The following DSCAM variants were observed in gnomAD, a reference collection of about 807,000 sequenced individuals.
DSCAM encodes the protein cell adhesion molecule DSCAM.
Under a neutral mutation model 217.7 loss-of-function variants are expected in DSCAM, and 47 were observed. The observed-to-expected ratio is 0.22, with a 90% CI of 0.17 to 0.28. The LOEUF (loss-of-function observed/expected upper bound fraction) is 0.28, where lower values mean the gene tolerates loss of function less well. DSCAM is among the 10% of genes least tolerant of loss of function. DSCAM has a pLI of 1.00. For synonymous variants in DSCAM, 1,056 were observed against 1,015.3 expected (o/e 1.04, Z -0.76); for missense variants, 2,080 against 2,618.3 (o/e 0.79, Z 4.49).
At chr21:40,362,345 C>T (rs2074776856) in intron 4 of DSCAM, among the ~76,000 whole-genome samples, 1 of 152,132 alleles carries the variant, frequency 6.6e-6, no homozygotes, top group African/African-American at 2.4e-5. Flanking sequence ...TCCATGTCAT[C>T]ATTTAACTTG....
intron 3 of DSCAM, among the ~76,000 whole-genome samples, chr21:40,521,477 T>C (rs894469065): frequency 4.6e-5 from 7 of 152,218 alleles, no homozygotes; most frequent in East Asian, 3.8e-4. Flanking sequence ...TGATACCTCA[T>C]TGTGGTTTGG....
At chr21:40,378,294 T>A (rs71318521) in intron 3 of DSCAM, among the ~76,000 whole-genome samples, 451 of 152,268 alleles carry the variant, frequency 3.0e-3, no homozygotes, top group Non-Finnish European at 5.4e-3. Flanking sequence ...TACAGGAGAT[T>A]AGAACAAAAA....
intron 1 of DSCAM, among the ~76,000 whole-genome samples, chr21:40,845,758 G>T (rs115057323): frequency 6.6e-6 from 1 of 152,264 alleles, no homozygotes; most frequent in Admixed American, 6.5e-5. Flanking sequence ...GATGTCAAAT[G>T]ATGACAATTT....
rs184996426 is a variant in DSCAM at position 40,127,032 on chromosome 21, C to T, written c.3563-2704G>A. Among the ~76,000 whole-genome samples the T allele has an allele frequency of 2.4e-3, 369 of 152,306 alleles. 2 individuals are homozygous for T. Among genetic ancestry groups the T allele is most frequent in the African/African-American group, 8.3e-3 (343 of 41,562 alleles). ...TTTCATGCGGCTCTAGCACTTAGTT[C>T]CACGTCCTGGACAAGCTGATTAACT... On this transcript the variant is annotated intron_variant, in intron 19 of 32. Transcript: ENST00000400454.
At chr21:40,808,841 AATTACCCC>A (rs2091812128) in intron 1 of DSCAM, among the ~76,000 whole-genome samples, 2 of 152,072 alleles carry the variant, frequency 1.3e-5, no homozygotes, top group Non-Finnish European at 2.9e-5. Context: ...TGTGGGCTGG[AATTACCCC>A]AAAGGCAAAC....
In DSCAM at chr21:40,731,732, C is replaced by A. The variant is rs868346550; in HGVS notation, c.44-22961G>T. 6.4e-4 allele frequency among the ~76,000 whole-genome samples: 73 copies of A among 114,912 alleles called. 2 individuals are homozygous for A. Among genetic ancestry groups the A allele is most frequent in the Middle Eastern group, 4.3e-3 (1 of 232 alleles). The allele number at this position is 114,912 out of a possible 152,430, so 75.4% of individuals were successfully genotyped here. ...TAATTACCTCCTTCCCACTGCACCC[C>A]CCCCCCCGCCCCCCGGGTGAGAGTC... is the stretch of plus-strand genomic sequence containing the variant. On this transcript the variant is annotated intron_variant, in intron 1 of 32. Transcript: ENST00000400454.
At chr21:40,801,553 T>A (rs915257976) in intron 1 of DSCAM, among the ~76,000 whole-genome samples, 1 of 152,180 alleles carries the variant, frequency 6.6e-6, no homozygotes, top group Admixed American at 6.5e-5. Context: ...AGGCCTAAGA[T>A]GGCAGAATGG....
chr21:40,333,220 G>C (rs766099916), intron 8 of DSCAM, among the ~76,000 whole-genome samples: 1 of 152,138 alleles, frequency 6.6e-6, no homozygotes, highest in African/African-American at 2.4e-5. Flanking sequence ...CTAAAATTTA[G>C]CTAATTTCTT....
At chr21:40,250,298 A>T (rs2073284737) in intron 11 of DSCAM, among the ~76,000 whole-genome samples, 1 of 152,162 alleles carries the variant, frequency 6.6e-6, no homozygotes, top group Admixed American at 6.5e-5. Context: ...GGTGTTTTTT[A>T]AAAAAGTCAA....
chr21:40,056,898 C>A (rs1393721086), intron 28 of DSCAM, among the ~76,000 whole-genome samples: 1 of 152,190 alleles, frequency 6.6e-6, no homozygotes, highest in Non-Finnish European at 1.5e-5. Flanking sequence ...TCTAACCGAG[C>A]CATTTACCCC....
At chr21:40,022,659 G>C (rs2088295121) in intron 32 of DSCAM, among the ~76,000 whole-genome samples, 1 of 152,208 alleles carries the variant, frequency 6.6e-6, no homozygotes, top group African/African-American at 2.4e-5. Flanking sequence ...AGTAGTTACA[G>C]AGTGCAGGGC....
intron 32 of DSCAM, among the ~76,000 whole-genome samples, chr21:40,037,596 G>A (rs1184677089): frequency 6.7e-6 from 1 of 149,178 alleles, no homozygotes; most frequent in East Asian, 1.9e-4. Flanking sequence ...ACTGCCCAAG[G>A]TAATTTACAG....
intron 2 of DSCAM, among the ~76,000 whole-genome samples, chr21:40,695,668 A>C (rs1448710631): frequency 6.6e-6 from 1 of 152,178 alleles, no homozygotes; most frequent in African/African-American, 2.4e-5. Context: ...GCCTTTAAAA[A>C]ATTATCTTAG....
intron 1 of DSCAM, among the ~76,000 whole-genome samples, chr21:40,809,609 C>A (rs1456302687): frequency 6.6e-6 from 1 of 152,170 alleles, no homozygotes; most frequent in African/African-American, 2.4e-5. Flanking sequence ...CTAGACCCTG[C>A]CCTGCCTTGG....
At chr21:40,545,076 T>G (rs535294356) in intron 3 of DSCAM, among the ~76,000 whole-genome samples, 1 of 152,260 alleles carries the variant, frequency 6.6e-6, no homozygotes, top group African/African-American at 2.4e-5. Flanking sequence ...GATGAAGCCC[T>G]CAAGAATGAG....
At chr21:40,587,602 C>T (rs2076955821) in intron 3 of DSCAM, among the ~76,000 whole-genome samples, 1 of 152,182 alleles carries the variant, frequency 6.6e-6, no homozygotes, top group African/African-American at 2.4e-5. Flanking sequence ...GCATCTCTGT[C>T]ATTGAAATTT....
intron 1 of DSCAM, among the ~76,000 whole-genome samples, chr21:40,825,252 G>A (rs34047734): frequency 0.17 from 25,168 of 149,096 alleles, 2,988 homozygotes; most frequent in African/African-American, 0.33. Context: ...GGTGTTCAGT[G>A]AACATTTTCT....
At chr21:40,440,374 C>T (rs923356325) in intron 3 of DSCAM, among the ~76,000 whole-genome samples, 6 of 150,936 alleles carry the variant, frequency 4.0e-5, no homozygotes, top group Non-Finnish European at 1.5e-5. Context: ...CATGAGGTTG[C>T]TGAGTGGATG....
At chr21:40,371,221 T>C (rs1178790309) in intron 3 of DSCAM, among the ~76,000 whole-genome samples, 1 of 152,178 alleles carries the variant, frequency 6.6e-6, no homozygotes, top group Non-Finnish European at 1.5e-5. Context: ...TCCAGATAAT[T>C]TTGCTTTATT....
Sources: allele counts gnomAD v4.1 joint callset (sites outside exome capture counted in the v4.1 genomes callset), GRCh38; gene constraint gnomAD v4.1.1; transcripts MANE v1.5; gene names NCBI Gene and HGNC (gene_info 2026-07-23, HGNC 2026-07-21).